ENTREP2: variants seen among roughly 807,000 people sequenced by gnomAD.
ENTREP2 encodes protein ENTREP2.
chr15:29,607,041 C>T, the ENTREP2 span, among the ~76,000 whole-genome samples: 1 of 152,130 alleles, frequency 6.6e-6, no homozygotes, highest in Non-Finnish European at 1.5e-5. Context: ...CCATGTTGGC[C>T]AGGCTGTTCT....
the ENTREP2 span, among the ~76,000 whole-genome samples, chr15:29,160,364 A>G: frequency 6.6e-6 from 1 of 152,258 alleles, no homozygotes; most frequent in South Asian, 2.1e-4. Context: ...AAGTGCCGCC[A>G]AAGTGGGAGC....
chr15:29,570,999 C>T, the ENTREP2 span, among the ~76,000 whole-genome samples: 1 of 145,554 alleles, frequency 6.9e-6, no homozygotes, highest in Non-Finnish European at 1.5e-5. Flanking sequence ...GCCCCGCGCG[C>T]TCCCCGGCCC....
the ENTREP2 span, among the ~76,000 whole-genome samples, chr15:29,214,612 C>G: frequency 4.6e-5 from 7 of 151,088 alleles, no homozygotes; most frequent in Non-Finnish European, 1.0e-4. Context: ...GGGTGCAGCA[C>G]ACCAACATGG....
chr15:29,181,101 A>G, the ENTREP2 span, among the ~76,000 whole-genome samples: 5 of 152,264 alleles, frequency 3.3e-5, no homozygotes, highest in Non-Finnish European at 7.4e-5. Flanking sequence ...ATAAATTAAA[A>G]TATTAAAAAT....
the ENTREP2 span, among the ~76,000 whole-genome samples, chr15:29,564,028 TG>T: frequency 2.8e-4 from 42 of 152,204 alleles, no homozygotes; most frequent in South Asian, 4.1e-4. Flanking sequence ...TGCATGAGGC[TG>T]GATCGTATTC....
chr15:29,641,037 T>G, the ENTREP2 span, among the ~76,000 whole-genome samples: 1 of 152,216 alleles, frequency 6.6e-6, no homozygotes, highest in Admixed American at 6.5e-5. Context: ...AATAGATTAT[T>G]TTAATACACC....
At chr15:29,570,276 C>T in the ENTREP2 span, among the ~76,000 whole-genome samples, 1 of 151,682 alleles carries the variant, frequency 6.6e-6, no homozygotes, top group Admixed American at 6.6e-5. Context: ...AAAGTAACTC[C>T]GGGAATCAGC....
chr15:29,142,167 C>T, the ENTREP2 span, among the ~76,000 whole-genome samples: 1 of 152,146 alleles, frequency 6.6e-6, no homozygotes, highest in Admixed American at 6.5e-5. Flanking sequence ...CTGGCTGGCT[C>T]CACTTTAGAG....
At chr15:29,568,348 A>G in the ENTREP2 span, among the ~76,000 whole-genome samples, 2 of 152,206 alleles carry the variant, frequency 1.3e-5, no homozygotes, top group Non-Finnish European at 2.9e-5. Context: ...AGTAATGTCC[A>G]TACATAGGAG....
the ENTREP2 span, among the ~76,000 whole-genome samples, chr15:29,258,183 A>G: frequency 2.8e-4 from 41 of 144,150 alleles, no homozygotes; most frequent in African/African-American, 1.1e-3. Context: ...ACTGCACTCT[A>G]GCCTGGGTGA....
the ENTREP2 span, among the ~76,000 whole-genome samples, chr15:29,367,801 G>A: frequency 6.6e-6 from 1 of 151,950 alleles, no homozygotes; most frequent in Non-Finnish European, 1.5e-5. Flanking sequence ...AAACTAACTT[G>A]GTAGACAATT....
the ENTREP2 span, among the ~76,000 whole-genome samples, chr15:29,209,815 G>A: frequency 6.6e-6 from 1 of 152,222 alleles, no homozygotes; most frequent in African/African-American, 2.4e-5. Context: ...TGGTACCCCT[G>A]CAGGGTCACT....
At chr15:29,248,156 G>A in the ENTREP2 span, among the ~76,000 whole-genome samples, 1 of 152,190 alleles carries the variant, frequency 6.6e-6, no homozygotes, top group East Asian at 1.9e-4. Flanking sequence ...TTCAGAAAAT[G>A]GTTTCAGGTA....
the ENTREP2 span, among the ~76,000 whole-genome samples, chr15:29,208,739 G>C: frequency 6.6e-6 from 1 of 152,136 alleles, no homozygotes; most frequent in African/African-American, 2.4e-5. Flanking sequence ...CCAACAGATG[G>C]ATGTTCATCC....
chr15:29,440,069 G>A, the ENTREP2 span, among the ~76,000 whole-genome samples: 1 of 152,168 alleles, frequency 6.6e-6, no homozygotes, highest in Non-Finnish European at 1.5e-5. Flanking sequence ...ACTTCAAAGT[G>A]TCAAGGTCAT....
the ENTREP2 span, among the ~76,000 whole-genome samples, chr15:29,279,434 G>A: frequency 9.3e-5 from 14 of 151,276 alleles, no homozygotes; most frequent in Non-Finnish European, 2.1e-4. Flanking sequence ...GTGCAATCTC[G>A]CCTCACTGCA....
At chr15:29,577,401 T>A in the ENTREP2 span, among the ~76,000 whole-genome samples, 2 of 151,542 alleles carry the variant, frequency 1.3e-5, no homozygotes, top group Non-Finnish European at 2.9e-5. Flanking sequence ...TCACCCAGGC[T>A]GGAGTGCAGT....
chr15:29,261,893 T>C, the ENTREP2 span, among the ~76,000 whole-genome samples: 1 of 143,878 alleles, frequency 7.0e-6, no homozygotes, highest in Non-Finnish European at 1.5e-5. Context: ...GAAATGAAAA[T>C]CAATTGACTA....
chr15:29,640,000 G>T, the ENTREP2 span, among the ~76,000 whole-genome samples: 1 of 151,956 alleles, frequency 6.6e-6, no homozygotes, highest in South Asian at 2.1e-4. Flanking sequence ...AACTCCTGAC[G>T]TCAGGCAGTC....
Sources: allele counts gnomAD v4.1 joint callset (sites outside exome capture counted in the v4.1 genomes callset), GRCh38; gene constraint gnomAD v4.1.1; transcripts MANE v1.5; gene names NCBI Gene and HGNC (gene_info 2026-07-23, HGNC 2026-07-21).